The following EXOC2 variants were observed in gnomAD, a reference collection of about 807,000 sequenced individuals.
EXOC2 encodes the protein SEC5-like 1.
In EXOC2, 70 loss-of-function variants were observed where a neutral mutation model predicts 131.8. The ratio of observed to expected loss-of-function variants is 0.53; its 90% CI spans 0.44 to 0.65. EXOC2 has a LOEUF of 0.65. Ranked by LOEUF, EXOC2 falls within the 30% of genes least tolerant of loss-of-function variation. The pLI is 0.00. For synonymous variants in EXOC2, 411 were observed against 398.4 expected, an observed-to-expected ratio of 1.03 and a Z score of -0.38; for missense variants, 923 against 1,108.6, an observed-to-expected ratio of 0.83 and a Z score of 2.38.
chr6:544,153 T>C (rs1207719352), intron 22 of EXOC2, among the ~76,000 whole-genome samples: 1 of 152,232 alleles, frequency 6.6e-6, no homozygotes, highest in Non-Finnish European at 1.5e-5. Flanking sequence ...GTTTTACTCC[T>C]TATTTCCTGC....
Position 549,193 on chromosome 6 carries a change from T to C in EXOC2, c.2220A>G (p.Gly740=), listed in dbSNP as rs778455242. 1 of 1,613,920 alleles carries C rather than the reference T, an allele frequency of 6.2e-7. No individual in the cohort carries two copies. ...CGCTTACCTGTGTGATTTTTTCTAT[T>C]CCCTGGAAGTTGTGCTTTTCAAAAT... ...AEHFEKHNFQ[G]IEKITQVSMA... is the part of the protein sequence containing the mutation. The change falls in exon 22 of 28, where the codon GGA becomes GGG. Residue 740 remains glycine, a synonymous_variant. Coordinates refer to ENST00000230449, the MANE Select transcript of EXOC2 (RefSeq NM_018303.6).
chr6:521,674 G>T (rs571275996), intron 23 of EXOC2, among the ~76,000 whole-genome samples: 4 of 152,096 alleles, frequency 2.6e-5, no homozygotes, highest in African/African-American at 9.6e-5. Flanking sequence ...CCACAGGTAT[G>T]TGCCACCATG....
intron 6 of EXOC2, among the ~76,000 whole-genome samples, chr6:615,182 G>GGGTGTGT: frequency 8.3e-6 from 1 of 121,032 alleles, no homozygotes; most frequent in Non-Finnish European, 1.6e-5. Context: ...TGTGGGTGTG[G>GGGTGTGT]GTGTGTGTGT....
At chr6:604,601 C>T (rs546170155) in intron 7 of EXOC2, among the ~76,000 whole-genome samples, 86 of 152,266 alleles carry the variant, frequency 5.6e-4, no homozygotes, top group African/African-American at 1.9e-3. Flanking sequence ...ACAGCCAGTT[C>T]GTCAGGGGCA....
intron 23 of EXOC2, among the ~76,000 whole-genome samples, chr6:510,829 T>A (rs1441681572): frequency 6.6e-6 from 1 of 151,862 alleles, no homozygotes; most frequent in African/African-American, 2.4e-5. Context: ...TTGTCAGAAA[T>A]TTTTTTTTCA....
At chr6:568,079 CT>C (rs1486936580) in intron 13 of EXOC2, among the ~76,000 whole-genome samples, 1 of 152,188 alleles carries the variant, frequency 6.6e-6, no homozygotes, top group Non-Finnish European at 1.5e-5. Flanking sequence ...GGAGCTAAAT[CT>C]TTGTTAAGGA....
chr6:646,031 C>T (rs1762564763), intron 1 of EXOC2, among the ~76,000 whole-genome samples: 1 of 152,170 alleles, frequency 6.6e-6, no homozygotes, highest in South Asian at 2.1e-4. Context: ...TATGGAATGC[C>T]TATCAATTTG....
rs2127817879 is a variant in EXOC2 at position 688,435 on chromosome 6, GAAC to G, written c.-44+4581_-44+4583del. ...GAGAAGCTGCCAGGCAGATGCTACA[GAAC>G]AACAACGATACAACTGAGCACACTG... On this transcript the variant is annotated intron_variant, in intron 1 of 27. Coordinates refer to ENST00000230449, the MANE Select transcript of EXOC2 (RefSeq NM_018303.6). 2.0e-5 allele frequency among the ~76,000 whole-genome samples: 3 copies of G among 152,276 alleles called. No homozygotes were observed. In the South Asian group the frequency reaches 6.2e-4, roughly 32 times the overall value.
chr6:687,539 A>C (rs1397339610), intron 1 of EXOC2, among the ~76,000 whole-genome samples: 1 of 152,166 alleles, frequency 6.6e-6, no homozygotes, highest in Non-Finnish European at 1.5e-5. Flanking sequence ...TTGCGATACA[A>C]TGACTAGTCA....
At chr6:522,776 T>A (rs1309542338) in intron 23 of EXOC2, among the ~76,000 whole-genome samples, 1 of 152,008 alleles carries the variant, frequency 6.6e-6, no homozygotes, top group Non-Finnish European at 1.5e-5. Context: ...GAAAGGAAGG[T>A]CAAGTGAAGG....
intron 5 of EXOC2, 75 bp downstream of exon 5, chr6:619,355 C>G (rs1761167636): frequency 1.6e-6 from 2 of 1,239,054 alleles, no homozygotes; most frequent in Non-Finnish European, 2.4e-6. Flanking sequence ...AGACCTAAAA[C>G]TCGAGTTACC....
intron 11 of EXOC2, among the ~76,000 whole-genome samples, chr6:586,446 A>C (rs944854656): frequency 6.6e-6 from 1 of 152,206 alleles, no homozygotes; most frequent in Admixed American, 6.5e-5. Flanking sequence ...ATTTATTTAC[A>C]TTGCACATAT....
intron 1 of EXOC2, among the ~76,000 whole-genome samples, chr6:682,573 CCT>C (rs145873625): frequency 5.3e-5 from 8 of 151,350 alleles, no homozygotes; most frequent in East Asian, 3.9e-4. Context: ...AGTATTTTTT[CCT>C]CTCTCTCTCT....
At chr6:611,886 A>C (rs1252328311) in intron 6 of EXOC2, among the ~76,000 whole-genome samples, 1 of 152,240 alleles carries the variant, frequency 6.6e-6, no homozygotes, top group Non-Finnish European at 1.5e-5. Flanking sequence ...AGAAAAATCA[A>C]GGTTATAGAA....
chr6:656,940 T>C, intron 1 of EXOC2: 1 of 1,518,218 alleles, frequency 6.6e-7, no homozygotes, highest in Non-Finnish European at 8.9e-7. Context: ...GGCGCGAAAC[T>C]TCATGATGCC....
intron 23 of EXOC2, chr6:524,217 T>A (rs1765628479): frequency 6.6e-6 from 1 of 152,190 alleles, no homozygotes; most frequent in African/African-American, 2.4e-5. Context: ...GCAATGACTG[T>A]AATTACGTAG....
intron 6 of EXOC2, among the ~76,000 whole-genome samples, chr6:616,612 A>C (rs1047098652): frequency 6.6e-6 from 1 of 151,130 alleles, no homozygotes; most frequent in African/African-American, 2.4e-5. Context: ...CAAAAAAAAA[A>C]AAAAAAAAAA....
chr6:600,284 T>C (rs1215176952), intron 7 of EXOC2, among the ~76,000 whole-genome samples: 2 of 152,232 alleles, frequency 1.3e-5, no homozygotes, highest in Admixed American at 1.3e-4. Context: ...TTTCACCACA[T>C]GCTATTTAAG....
rs1376716429 is a variant in EXOC2 at position 637,722 on chromosome 6, T to C, written c.97A>G (p.Thr33Ala). 6.2e-7 allele frequency: 1 copy of C among 1,613,726 alleles called. No individual in the cohort carries two copies. Among genetic ancestry groups the C allele is most frequent in the South Asian group, 1.1e-5 (1 of 90,970 alleles). The change falls in exon 2 of 28, where the codon ACT (threonine) becomes GCT (alanine). Residue 33 changes from threonine (T) to alanine (A), a missense_variant. Thr to Ala is a moderately conservative substitution (Grantham distance 58). Coordinates refer to ENST00000230449, the MANE Select transcript of EXOC2 (RefSeq NM_018303.6). ...KVTIRGENLG[T>A]GPTDLIGLTI... ...TTACCTATGAGGTCGGTGGGGCCAG[T>C]CCCCAGATTTTCTCCCCTGATTGTG...
Sources: allele counts gnomAD v4.1 joint callset (sites outside exome capture counted in the v4.1 genomes callset), GRCh38; gene constraint gnomAD v4.1.1; transcripts MANE v1.5; gene names NCBI Gene and HGNC (gene_info 2026-07-23, HGNC 2026-07-21).